The following SPTBN1 variants were observed in gnomAD, a reference collection of about 807,000 sequenced individuals.
SPTBN1 encodes the protein spectrin beta chain, non-erythrocytic 1.
A neutral mutation model predicts 266.4 loss-of-function variants in SPTBN1; 32 were observed. The observed-to-expected ratio is 0.12, with a 90% confidence interval of 0.09 to 0.16. SPTBN1 has a LOEUF of 0.16. SPTBN1 is among the 10% of genes least tolerant of loss of function. SPTBN1 has a pLI of 1.00. For missense variants in SPTBN1, 2,296 were observed against 3,067.1 expected (o/e 0.75, Z 5.94); for synonymous variants, 1,336 against 1,162.2 (o/e 1.15, Z -3.04).
chr2:54,526,821 T>C (rs140763998), intron 2 of SPTBN1: 9 of 334,568 alleles, frequency 2.7e-5, no homozygotes, highest in Middle Eastern at 7.7e-4. Context: ...TGCCCTAAGT[T>C]TGTAAGAATT....
Position 54,533,887 on chromosome 2 carries a change from C to CTCTG in SPTBN1, c.148+7325_148+7328dup, listed in dbSNP as rs1236055773. Among the ~76,000 whole-genome samples the CTCTG allele has an allele frequency of 7.9e-6, 1 of 127,030 alleles. No homozygotes were observed. Among genetic ancestry groups the CTCTG allele is most frequent in the Non-Finnish European group, 1.6e-5 (1 of 60,824 alleles). 83.3% of individuals were successfully genotyped at this position (127,030 alleles called of 152,430 possible). A position where few individuals can be genotyped will look rare whatever the true frequency, so the allele number is the denominator to read the frequency against. On this transcript the variant is annotated intron_variant, in intron 2 of 35. Transcript: ENST00000356805. The surrounding 1 kb of genome is among the most constrained non-coding windows in gnomAD (Gnocchi z 4.2). ...TTTAGGGGGAAAGATTGATCTCTCT[C>CTCTG]TCTGTCTCTCTCTCACACACACACA...
At chr2:54,621,608 T>C (rs1677997426) in intron 8 of SPTBN1, 96 bp downstream of exon 8, 1 of 876,918 alleles carries the variant, frequency 1.1e-6, no homozygotes, top group African/African-American at 1.7e-5. Flanking sequence ...AATAGCAATT[T>C]GTAGTGGACT....
chr2:54,572,137 G>A (rs555355456), intron 2 of SPTBN1, among the ~76,000 whole-genome samples: 1 of 152,300 alleles, frequency 6.6e-6, no homozygotes, highest in East Asian at 1.9e-4. Flanking sequence ...GAGGAGAGGA[G>A]AGGGAAGCCA....
At chr2:54,479,976 AC>A (rs1357953065) in intron 1 of SPTBN1, among the ~76,000 whole-genome samples, 1 of 152,076 alleles carries the variant, frequency 6.6e-6, no homozygotes, top group East Asian at 1.9e-4. Context: ...GCTTTTAATA[AC>A]ATTAATATTT....
At chr2:54,581,325 TGAG>T (rs200494436) in intron 2 of SPTBN1, among the ~76,000 whole-genome samples, 1 of 152,106 alleles carries the variant, frequency 6.6e-6, no homozygotes, top group East Asian at 1.9e-4. Flanking sequence ...TGCTTAGAAT[TGAG>T]GAGGAGGGGA....
chr2:54,520,050 C>G (rs1485255214), intron 1 of SPTBN1, among the ~76,000 whole-genome samples: 5 of 152,156 alleles, frequency 3.3e-5, no homozygotes, highest in Non-Finnish European at 7.4e-5. Context: ...CAGGGAGCAG[C>G]TGTCAGCACC....
At chr2:54,594,493 G>A (rs1675915184) in intron 2 of SPTBN1, among the ~76,000 whole-genome samples, 1 of 152,126 alleles carries the variant, frequency 6.6e-6, no homozygotes, top group Admixed American at 6.5e-5. Flanking sequence ...CTATATAAGG[G>A]ACTTGAGCAT....
At chr2:54,543,914 G>T (rs1331598857) in intron 2 of SPTBN1, among the ~76,000 whole-genome samples, 1 of 152,164 alleles carries the variant, frequency 6.6e-6, no homozygotes, top group Non-Finnish European at 1.5e-5. Flanking sequence ...CTTACCGGAA[G>T]AGGGTTGGTC....
At chr2:54,526,756 A>C (rs1670842113) in intron 2 of SPTBN1, 190 bp downstream of exon 2, 1 of 546,636 alleles carries the variant, frequency 1.8e-6, no homozygotes, top group African/African-American at 1.9e-5. Context: ...TGTCAACTCT[A>C]ATGGCCAAAA....
intron 18 of SPTBN1, among the ~76,000 whole-genome samples, chr2:54,640,249 C>G (rs1230833350): frequency 6.6e-6 from 1 of 152,164 alleles, no homozygotes; most frequent in African/African-American, 2.4e-5. Flanking sequence ...TAGATATTTA[C>G]AGAGCACTCA....
At chr2:54,481,438 G>GTGTTT (rs1162682040) in intron 1 of SPTBN1, among the ~76,000 whole-genome samples, 1 of 76,926 alleles carries the variant, frequency 1.3e-5, no homozygotes, top group Non-Finnish European at 2.5e-5. Flanking sequence ...GTGTGTGTGT[G>GTGTTT]TGTTTTGTTT....
intron 1 of SPTBN1, among the ~76,000 whole-genome samples, chr2:54,496,885 A>G (rs1464666117): frequency 1.3e-5 from 2 of 152,250 alleles, no homozygotes; most frequent in African/African-American, 4.8e-5. Flanking sequence ...TTATAATGAT[A>G]TTACTGTGCT....
chr2:54,548,624 A>C lies in SPTBN1; in HGVS notation c.148+22058A>C, dbSNP rs540413976. 5.3e-5 allele frequency among the ~76,000 whole-genome samples: 8 copies of C among 152,318 alleles called. No individual in the cohort carries two copies. The East Asian group carries it at 1.5e-3, about 29-fold the overall frequency. On this transcript the variant is annotated intron_variant, in intron 2 of 35. Transcript: ENST00000356805. ...CCTCTTCCTTCAGGTTTGCTCTAGA[A>C]ATGGCAGCAGGAATTCAGAAGGCCT...
chr2:54,653,358 C>T lies in SPTBN1; in HGVS notation c.5578-251C>T, dbSNP rs1680428984. On this transcript the variant is annotated intron_variant, in intron 26 of 35. Transcript: ENST00000356805. This position sits in a 1 kb window ranked among gnomAD's most constrained non-coding sequence, Gnocchi z 5.1. ...GACTTTCCCTGACTAAACTCTCCTG[C>T]CTGTCTTCCTGTAGCATTTCATTTG... is the stretch of plus-strand genomic sequence containing the variant. 1 of 477,082 alleles carries T rather than the reference C, an allele frequency of 2.1e-6. No homozygotes were observed. Among genetic ancestry groups the T allele is most frequent in the African/African-American group, 2.0e-5 (1 of 49,518 alleles). 29.6% of individuals were successfully genotyped at this position (477,082 alleles called of 1,614,324 possible).
intron 2 of SPTBN1, among the ~76,000 whole-genome samples, chr2:54,575,131 A>G (rs74399555): frequency 0.015 from 2,339 of 152,334 alleles, 26 homozygotes; most frequent in Non-Finnish European, 0.022. Context: ...GTATACATCC[A>G]TCAGCACATG....
intron 32 of SPTBN1, chr2:54,662,100 A>C: frequency 1.0e-6 from 1 of 985,396 alleles, no homozygotes; most frequent in Non-Finnish European, 1.2e-6. Flanking sequence ...TCCTGATTTA[A>C]GTATCTCGGG....
At chr2:54,502,188 C>T (rs556146298) in intron 1 of SPTBN1, among the ~76,000 whole-genome samples, 8 of 152,126 alleles carry the variant, frequency 5.3e-5, no homozygotes, top group Non-Finnish European at 8.8e-5. Flanking sequence ...TGGTTCTGAT[C>T]GGGGAGCTGG....
intron 2 of SPTBN1, among the ~76,000 whole-genome samples, chr2:54,541,545 G>A (rs1328006364): frequency 3.9e-5 from 6 of 152,188 alleles, no homozygotes; most frequent in Non-Finnish European, 8.8e-5. Flanking sequence ...GTAATCTTCA[G>A]GCATGCCCAC....
intron 24 of SPTBN1, among the ~76,000 whole-genome samples, chr2:54,648,511 C>G (rs974684510): frequency 6.6e-6 from 1 of 152,222 alleles, no homozygotes; most frequent in African/African-American, 2.4e-5. Context: ...TGTCATTTGT[C>G]CCTCTGGCAG....
Sources: allele counts gnomAD v4.1 joint callset (sites outside exome capture counted in the v4.1 genomes callset), GRCh38; gene constraint gnomAD v4.1.1; non-coding constraint Gnocchi (gnomAD v3.1); transcripts MANE v1.5; gene names NCBI Gene and HGNC (gene_info 2026-07-23, HGNC 2026-07-21).